Variants in CRIM1 observed in about 807,000 individuals in gnomAD.
The protein encoded by CRIM1 is cysteine rich transmembrane BMP regulator 1.
In CRIM1, 32 loss-of-function variants were observed where a neutral mutation model predicts 116.4. The observed-to-expected ratio is 0.27, with a 90% CI of 0.21 to 0.37. The LOEUF (loss-of-function observed/expected upper bound fraction) is 0.37, where lower values mean the gene tolerates loss of function less well. CRIM1 is among the 10% of genes least tolerant of loss of function. The probability of loss-of-function intolerance (pLI) is 1.00; values close to 1 mark genes in which losing one functional copy is unlikely to be tolerated. For missense variants in CRIM1, 1,331 were observed against 1,354.8 expected, an observed-to-expected ratio of 0.98 and a Z score of 0.28; for synonymous variants, 590 against 509.2, an observed-to-expected ratio of 1.16 and a Z score of -2.13.
At chr2:36,453,299 G>A (rs1676879387) in intron 4 of CRIM1, among the ~76,000 whole-genome samples, 1 of 152,168 alleles carries the variant, frequency 6.6e-6, no homozygotes, top group African/African-American at 2.4e-5. Context: ...CAAGTGGTTT[G>A]TAAATTATTC....
chr2:36,374,742 C>G (rs1352905672), intron 1 of CRIM1, among the ~76,000 whole-genome samples: 1 of 152,116 alleles, frequency 6.6e-6, no homozygotes, highest in East Asian at 1.9e-4. Context: ...TCCTGAGTGC[C>G]TGGGCGTGCT....
At chr2:36,492,221 A>G (rs796959087) in intron 7 of CRIM1, among the ~76,000 whole-genome samples, 2 of 152,194 alleles carry the variant, frequency 1.3e-5, no homozygotes, top group Admixed American at 1.3e-4. Context: ...TCTTGGGAAC[A>G]TTTGCACACT....
intron 5 of CRIM1, among the ~76,000 whole-genome samples, chr2:36,465,614 C>T (rs1403310095): frequency 1.3e-5 from 2 of 152,068 alleles, no homozygotes; most frequent in Non-Finnish European, 2.9e-5. Flanking sequence ...TTTTTAGGCC[C>T]GTGGCCAAGT....
intron 5 of CRIM1, among the ~76,000 whole-genome samples, chr2:36,475,178 C>G (rs1678866751): frequency 6.6e-6 from 1 of 152,196 alleles, no homozygotes; most frequent in African/African-American, 2.4e-5. Context: ...ACATGTAGAT[C>G]AATTTGGGGA....
chr2:36,493,185 G>A (rs536537622), intron 7 of CRIM1, among the ~76,000 whole-genome samples: 17 of 152,186 alleles, frequency 1.1e-4, no homozygotes, highest in African/African-American at 3.1e-4. Context: ...GAGGTAGGAA[G>A]ATTGCTTGAG....
At chr2:36,419,518 C>T (rs368020050) in intron 2 of CRIM1, among the ~76,000 whole-genome samples, 3 of 152,212 alleles carry the variant, frequency 2.0e-5, no homozygotes, top group African/African-American at 7.2e-5. Context: ...GCTGCCCAGG[C>T]CATTCACATT....
chr2:36,519,573 A>G (rs535726367), intron 12 of CRIM1, among the ~76,000 whole-genome samples: 1 of 152,360 alleles, frequency 6.6e-6, no homozygotes, highest in African/African-American at 2.4e-5. Flanking sequence ...ACACATGTAG[A>G]AAAATATCAT....
At chr2:36,531,902 C>T (rs1666145509) in intron 13 of CRIM1, 1 of 470,868 alleles carries the variant, frequency 2.1e-6, no homozygotes. Context: ...GTCTGAGCAT[C>T]CCATGAGGTA....
At chr2:36,426,062 G>T (rs1328506486) in intron 2 of CRIM1, among the ~76,000 whole-genome samples, 3 of 152,220 alleles carry the variant, frequency 2.0e-5, no homozygotes, top group African/African-American at 7.2e-5. Flanking sequence ...AAGAAGGCCT[G>T]GTGATGGGAG....
chr2:36,443,117 ATG>A (rs2124942205), intron 4 of CRIM1, among the ~76,000 whole-genome samples: 1 of 152,308 alleles, frequency 6.6e-6, no homozygotes, highest in South Asian at 2.1e-4. Flanking sequence ...AACATGTTCA[ATG>A]TGATGAAACA....
intron 14 of CRIM1, 47 bp from the exon 15 acceptor site, chr2:36,544,329 A>C: frequency 7.6e-7 from 1 of 1,317,482 alleles, no homozygotes; most frequent in Non-Finnish European, 9.8e-7. Context: ...AAAGCCAACA[A>C]TACAGCAGCT....
chr2:36,464,272 T>C (rs1677818281), intron 4 of CRIM1, among the ~76,000 whole-genome samples: 1 of 152,168 alleles, frequency 6.6e-6, no homozygotes, highest in Non-Finnish European at 1.5e-5. Flanking sequence ...AGAAATGAGG[T>C]AATGCATTTT....
chr2:36,524,098 T>G (rs1407472215), intron 13 of CRIM1, among the ~76,000 whole-genome samples: 1 of 152,186 alleles, frequency 6.6e-6, no homozygotes, highest in Non-Finnish European at 1.5e-5. Flanking sequence ...ACGATGCTTT[T>G]GAGAGTGAAA....
Position 36,547,003 on chromosome 2 carries a change from A to T in CRIM1, c.2766A>T (p.Val922=). 6.2e-7 allele frequency: 1 copy of T among 1,608,370 alleles called. No homozygotes were observed. Among genetic ancestry groups the T allele is most frequent in the Non-Finnish European group, 8.5e-7 (1 of 1,176,322 alleles). ...TCCTAGATATGGGTCACCTCCAGGTAGATTACAGAGATAACAGGCTGCACC... is the reference window on the plus strand; with the variant it reads ...TCCTAGATATGGGTCACCTCCAGGTTGATTACAGAGATAACAGGCTGCACC... ...HLPRDMGHLQ[V]DYRDNRLHPS... is the part of the protein sequence containing the mutation. The change falls in exon 16 of 17, where the codon GTA becomes GTT. Residue 922 remains valine, a synonymous_variant. Transcript: ENST00000280527.
intron 5 of CRIM1, among the ~76,000 whole-genome samples, chr2:36,471,984 G>A (rs965675898): frequency 6.6e-6 from 1 of 152,120 alleles, no homozygotes; most frequent in Non-Finnish European, 1.5e-5. Context: ...AGTGTAGTTT[G>A]GTAGGCAGTA....
chr2:36,461,160 G>C (rs1488666108), intron 4 of CRIM1, among the ~76,000 whole-genome samples: 2 of 152,102 alleles, frequency 1.3e-5, no homozygotes, highest in East Asian at 3.9e-4. Flanking sequence ...CCTTAGGATG[G>C]GTGTAGCATG....
At chr2:36,458,897 C>T (rs1368745354) in intron 4 of CRIM1, among the ~76,000 whole-genome samples, 1 of 152,176 alleles carries the variant, frequency 6.6e-6, no homozygotes, top group African/African-American at 2.4e-5. Context: ...AGCAGTCACA[C>T]ATTTTTCTTC....
At chr2:36,543,513 GAAT>G (rs1558421729) in intron 14 of CRIM1, among the ~76,000 whole-genome samples, 2 of 152,092 alleles carry the variant, frequency 1.3e-5, no homozygotes, top group African/African-American at 4.8e-5. Context: ...AAAAATCAGT[GAAT>G]AATATGGCAG....
At chr2:36,486,628 G>A (rs888398214) in intron 7 of CRIM1, among the ~76,000 whole-genome samples, 12 of 152,104 alleles carry the variant, frequency 7.9e-5, no homozygotes, top group African/African-American at 2.7e-4. Flanking sequence ...CAAGGGGGTG[G>A]GTTGCTCTTT....
Sources: allele counts gnomAD v4.1 joint callset (sites outside exome capture counted in the v4.1 genomes callset), GRCh38; gene constraint gnomAD v4.1.1; transcripts MANE v1.5; gene names NCBI Gene and HGNC (gene_info 2026-07-23, HGNC 2026-07-21).